Variants in IL1R2 observed in about 807,000 individuals in gnomAD.
IL1R2 encodes interleukin 1 receptor type 2.
Under a neutral mutation model 39.5 loss-of-function variants are expected in IL1R2, and 46 were observed. The ratio of observed to expected loss-of-function variants is 1.16; its 90% CI spans 0.92 to 1.49. The LOEUF (loss-of-function observed/expected upper bound fraction) is 1.49. IL1R2 is among the 40% of genes most tolerant of loss of function. The probability of loss-of-function intolerance (pLI) is 0.00; values close to 1 mark genes in which losing one functional copy is unlikely to be tolerated. For synonymous variants in IL1R2, 207 were observed against 189.6 expected (o/e 1.09, Z -0.75); for missense variants, 537 against 502.0 (o/e 1.07, Z -0.67).
chr2:102,021,860 G>A (rs1677423164), intron 5 of IL1R2, among the ~76,000 whole-genome samples: 1 of 152,202 alleles, frequency 6.6e-6, no homozygotes. Context: ...AATCTATCTC[G>A]TGGACCTCAT....
intron 8 of IL1R2, 118 bp downstream of exon 8, chr2:102,026,371 G>C (rs1677749598): frequency 2.4e-6 from 2 of 841,474 alleles, no homozygotes; most frequent in South Asian, 5.4e-5. Flanking sequence ...TGCATTGTCT[G>C]CTAGTGGAGA....
At chr2:102,009,517 C>G (rs1040538688) in intron 2 of IL1R2, 45 bp from the exon 3 acceptor site, 30 of 1,592,264 alleles carry the variant, frequency 1.9e-5, no homozygotes, top group Non-Finnish European at 2.3e-5. Flanking sequence ...ATGATCTGAG[C>G]AAGTTTTGGA....
intron 4 of IL1R2, among the ~76,000 whole-genome samples, chr2:102,018,091 G>A (rs1677121841): frequency 6.6e-6 from 1 of 152,128 alleles, no homozygotes; most frequent in South Asian, 2.1e-4. Context: ...GCTCTAGAAT[G>A]CATTCTCTCT....
chr2:102,020,625 G>A (rs922345731), intron 5 of IL1R2, among the ~76,000 whole-genome samples: 1 of 152,244 alleles, frequency 6.6e-6, no homozygotes, highest in East Asian at 1.9e-4. Context: ...AGATTCAGTT[G>A]CACCGCATTT....
chr2:102,016,789 G>T (rs1025979983), intron 4 of IL1R2, among the ~76,000 whole-genome samples: 1 of 152,170 alleles, frequency 6.6e-6, no homozygotes, highest in South Asian at 2.1e-4. Context: ...ATATCCGTAG[G>T]TTATATGCAA....
chr2:102,019,836 C>T (rs755382026), intron 5 of IL1R2, 24 bp downstream of exon 5: 2 of 1,591,034 alleles, frequency 1.3e-6, no homozygotes, highest in South Asian at 2.2e-5. Flanking sequence ...ATTGAGGCAC[C>T]TATCTATCCT....
chr2:102,009,809 C>G lies in IL1R2; in HGVS notation c.315C>G (p.Thr105=). The change falls in exon 3 of 9, where the codon ACC becomes ACG. Residue 105 remains threonine, a synonymous_variant. Transcript: ENST00000332549. ...CAGCCTTGCAGGAGGACTCTGGCAC[C>G]TACGTCTGCACTACTAGGTAAGTCT... ...LLPALQEDSG[T]YVCTTRNASY... 2 of 1,614,180 alleles carry G rather than the reference C, an allele frequency of 1.2e-6. No individual in the cohort carries two copies. Among genetic ancestry groups the G allele is most frequent in the Non-Finnish European group, 1.7e-6 (2 of 1,180,032 alleles).
At chr2:102,009,944 C>T in intron 3 of IL1R2, 118 bp downstream of exon 3, 8 of 1,174,002 alleles carry the variant, frequency 6.8e-6, no homozygotes, top group Non-Finnish European at 8.5e-6. Flanking sequence ...CCAGTGAATC[C>T]ACATTGCATC....
Position 102,008,604 on chromosome 2 carries a change from G to T in IL1R2, c.29G>T (p.Gly10Val), listed in dbSNP as rs1413468820. 6.2e-7 allele frequency: 1 copy of T among 1,614,138 alleles called. No homozygotes were observed. The highest frequency in any genetic ancestry group is 2.2e-5 in the East Asian group (1 of 44,880). ...TTGCGCTTGTACGTGTTGGTAATGG[G>T]AGTTTCTGCCTTCACCCTTCAGCCT... MLRLYVLVMGVSAFTLQPAA... is the reference protein window; with the variant it reads MLRLYVLVMVVSAFTLQPAA... The change falls in exon 2 of 9, where the codon GGA (glycine) becomes GTA (valine). Residue 10 changes from glycine to valine, a missense_variant. Coordinates refer to ENST00000332549, the MANE Select transcript of IL1R2 (RefSeq NM_004633.4).
chr2:101,992,968 C>T (rs1675421432), intron 1 of IL1R2, among the ~76,000 whole-genome samples: 1 of 152,100 alleles, frequency 6.6e-6, no homozygotes, highest in East Asian at 1.9e-4. Flanking sequence ...AAAAGAGGGG[C>T]TGGATCAGGG....
intron 1 of IL1R2, among the ~76,000 whole-genome samples, chr2:102,005,723 T>C (rs888601126): frequency 3.9e-5 from 6 of 152,160 alleles, no homozygotes; most frequent in Admixed American, 3.9e-4. Flanking sequence ...GGCCACTCCT[T>C]GTTGCAAGGG....
chr2:102,000,254 C>T (rs1169839715), intron 1 of IL1R2, among the ~76,000 whole-genome samples: 4 of 152,218 alleles, frequency 2.6e-5, no homozygotes, highest in South Asian at 2.1e-4. Context: ...TATGGTGTGA[C>T]ATCTACTCCT....
At chr2:102,020,858 G>A (rs1158892206) in intron 5 of IL1R2, among the ~76,000 whole-genome samples, 1 of 152,210 alleles carries the variant, frequency 6.6e-6, no homozygotes, top group African/African-American at 2.4e-5. Context: ...TGGCTCTCAA[G>A]GGGTGGTCCT....
intron 3 of IL1R2, among the ~76,000 whole-genome samples, chr2:102,013,914 T>A (rs1181360883): frequency 6.6e-6 from 1 of 152,162 alleles, no homozygotes; most frequent in African/African-American, 2.4e-5. Context: ...ATACACCATG[T>A]GCTCAGAATA....
chr2:102,013,524 C>CAA (rs771727938), intron 3 of IL1R2, among the ~76,000 whole-genome samples: 223 of 5,648 alleles, frequency 0.039, 26 homozygotes, highest in Admixed American at 0.077. Context: ...TCTATCACTG[C>CAA]AAAAAAAAAA....
chr2:101,994,191 G>C (rs1459957754), intron 1 of IL1R2, among the ~76,000 whole-genome samples: 1 of 152,126 alleles, frequency 6.6e-6, no homozygotes, highest in Non-Finnish European at 1.5e-5. Flanking sequence ...GGGGTCTTCA[G>C]TTGGCCTGGG....
chr2:102,000,012 G>A (rs747023670), intron 1 of IL1R2, among the ~76,000 whole-genome samples: 50 of 152,278 alleles, frequency 3.3e-4, no homozygotes, highest in South Asian at 6.2e-4. Flanking sequence ...TGTTAGCTAA[G>A]TTGCCAACTA....
chr2:102,021,305 C>CTTTTTTTTTTTTTTTTTTTT (rs546019141), intron 5 of IL1R2, among the ~76,000 whole-genome samples: 3 of 122,850 alleles, frequency 2.4e-5, no homozygotes, highest in East Asian at 2.4e-4. Flanking sequence ...CTTTTCTTTT[C>CTTTTTTTTTTTTTTTTTTTT]TTTTTTTTTT....
intron 3 of IL1R2, among the ~76,000 whole-genome samples, chr2:102,011,179 T>C (rs1676606629): frequency 6.6e-6 from 1 of 152,246 alleles, no homozygotes; most frequent in East Asian, 1.9e-4. Flanking sequence ...CTTTCAGCTA[T>C]TGTGAATCCA....
Sources: allele counts gnomAD v4.1 joint callset (sites outside exome capture counted in the v4.1 genomes callset), GRCh38; gene constraint gnomAD v4.1.1; transcripts MANE v1.5; gene names NCBI Gene and HGNC (gene_info 2026-07-23, HGNC 2026-07-21).